POM121: variants seen among roughly 807,000 people sequenced by gnomAD.
POM121 encodes POM121 transmembrane nucleoporin.
Under a neutral mutation model 81.3 loss-of-function variants are expected in POM121, and 32 were observed. The ratio of observed to expected loss-of-function variants is 0.39; its 90% CI spans 0.30 to 0.53. POM121 has a LOEUF of 0.53. Among genes scored for constraint, POM121 ranks in the 20% least tolerant of loss-of-function variants. The pLI, the probability that POM121 is intolerant of heterozygous loss-of-function variation, is 0.66. For synonymous variants in POM121, 514 were observed against 694.2 expected, an observed-to-expected ratio of 0.74 and a Z score of 4.08; for missense variants, 1,138 against 1,614.6, an observed-to-expected ratio of 0.70 and a Z score of 5.06.
upstream of POM121, among the ~76,000 whole-genome samples, chr7:72,920,737 T>C (rs1243349391): frequency 6.6e-6 from 1 of 152,216 alleles, no homozygotes; most frequent in East Asian, 1.9e-4. Context: ...CTTTCAGGTC[T>C]TGTTTTTATG....
downstream of POM121, chr7:72,949,876 C>G (rs1444523496): frequency 6.3e-7 from 1 of 1,599,506 alleles, no homozygotes; most frequent in Non-Finnish European, 8.6e-7. Flanking sequence ...AGCCAAGTGA[C>G]TGGTCTTTAT....
rs1162553383 is a variant in POM121 at position 72,925,457 on chromosome 7, G to A, written c.336G>A (p.Lys112=). 4.6e-6 allele frequency: 7 copies of A among 1,533,734 alleles called. No homozygotes were observed. In the Admixed American group the frequency reaches 5.9e-5, roughly 13 times the overall value. ...CACTGTTCGCTTCGCCTCTGGCCAA[G>A]TCGACAGCCAACGGAAACCTCCTAG... The part of the protein sequence containing the change: ...RRTLFASPLA[K]STANGNLLEP... The change falls in exon 1 of 13, where the codon AAG becomes AAA. Residue 112 remains lysine (K), a synonymous_variant. Transcript: ENST00000434423.
At chr7:72,919,634 C>T (rs1554495620) in intron 4 of POM121, among the ~76,000 whole-genome samples, 1 of 152,050 alleles carries the variant, frequency 6.6e-6, no homozygotes, top group Non-Finnish European at 1.5e-5. Context: ...AGGCGTGTGC[C>T]ACTATGCTTG....
Position 72,925,396 on chromosome 7 carries a change from T to G in POM121, c.275T>G (p.Leu92Trp). 1 of 1,533,760 alleles carries G rather than the reference T, an allele frequency of 6.5e-7. No individual in the cohort carries two copies. Among genetic ancestry groups the G allele is most frequent in the Non-Finnish European group, 8.7e-7 (1 of 1,146,490 alleles). ...FVRKARHRRPLSSFVRKARHR... is the reference protein window; with the variant it reads ...FVRKARHRRPWSSFVRKARHR... Reference sequence around the variant, plus strand: ...CGGAAGGCGCGTCATCGGCGCCCCTTGTCCTCCTTCGTTCGGAAGGCGCGT... The same window carrying G: ...CGGAAGGCGCGTCATCGGCGCCCCTGGTCCTCCTTCGTTCGGAAGGCGCGT... Residue 92 changes from leucine (L) to tryptophan (W), a missense_variant, in exon 1 of 13, where the codon TTG becomes TGG. Coordinates refer to ENST00000434423, the MANE Select transcript of POM121 (RefSeq NM_001387691.1).
In POM121 at chr7:72,926,249, G is replaced by A; in HGVS notation, c.645-13G>A. ...TTGCTTTGGTTCCGTGATTTGTCTC[G>A]CATTCTCTGCAGGGATTGTGGGACT... On this transcript the variant is annotated splice_polypyrimidine_tract_variant and intron_variant, in intron 1 of 12. Coordinates refer to ENST00000434423, the MANE Select transcript of POM121 (RefSeq NM_001387691.1). 1.3e-6 allele frequency: 2 copies of A among 1,549,306 alleles called. No individual in the cohort carries two copies. Among genetic ancestry groups the A allele is most frequent in the South Asian group, 1.2e-5 (1 of 84,464 alleles).
chr7:72,890,141 A>G (rs1409306373), intron 1 of POM121, among the ~76,000 whole-genome samples: 1 of 152,010 alleles, frequency 6.6e-6, no homozygotes, highest in Non-Finnish European at 1.5e-5. Flanking sequence ...TATGAGAATA[A>G]AAGAGCCAAA....
At position 72,926,918 on chromosome 7, in the gene POM121, A is replaced by T; in HGVS notation, c.977A>T (p.Glu326Val). ...GAGAAGGAGAAGAAAAGGACAGTGG[A>T]GGAAGAAGACCAAATATTCCTTGAT... Reference protein sequence around the residue: ...LKEKEKKRTVEEEDQIFLDGQ... With the variant: ...LKEKEKKRTVVEEDQIFLDGQ... Residue 326 changes from glutamate to valine, a missense_variant, in exon 3 of 13, where the codon GAG becomes GTG. Transcript: ENST00000434423. 6.2e-7 allele frequency: 1 copy of T among 1,614,036 alleles called. No individual in the cohort carries two copies. Among genetic ancestry groups the T allele is most frequent in the Non-Finnish European group, 8.5e-7 (1 of 1,179,884 alleles).
intron 5 of POM121, among the ~76,000 whole-genome samples, chr7:72,933,797 ATG>A (rs1554498985): frequency 6.6e-6 from 1 of 152,262 alleles, no homozygotes; most frequent in Non-Finnish European, 1.5e-5. Flanking sequence ...CTTGGAAACA[ATG>A]TACATGTTAT....
chr7:72,910,104 A>G (rs1793658706), intron 3 of POM121, among the ~76,000 whole-genome samples: 2 of 152,244 alleles, frequency 1.3e-5, no homozygotes, highest in Non-Finnish European at 2.9e-5. Context: ...GGAAAAAAAA[A>G]GTGCAGCTTG....
rs1797818006 is a variant in POM121 at position 72,948,114 on chromosome 7, C to T, written c.*1880C>T. 9.4e-6 allele frequency: 13 copies of T among 1,386,440 alleles called. No individual in the cohort carries two copies. Among genetic ancestry groups the T allele is most frequent in the African/African-American group, 2.9e-5 (2 of 68,186 alleles). 85.9% of individuals were successfully genotyped at this position (1,386,440 alleles called of 1,614,324 possible). On this transcript the variant is annotated 3_prime_UTR_variant, in exon 13 of 13. Coordinates refer to ENST00000434423, the MANE Select transcript of POM121 (RefSeq NM_001387691.1). ...AGTTCCGCAGGCAGGACAGCCGGTCCGGGAACCCTGAGTGAGAATGAGTGT... is the reference window on the plus strand; with the variant it reads ...AGTTCCGCAGGCAGGACAGCCGGTCTGGGAACCCTGAGTGAGAATGAGTGT...
At chr7:72,915,463 C>A (rs1794207283) in intron 4 of POM121, among the ~76,000 whole-genome samples, 1 of 152,102 alleles carries the variant, frequency 6.6e-6, no homozygotes, top group Non-Finnish European at 1.5e-5. Flanking sequence ...CCTCGCACCT[C>A]CCAGGTTCAA....
At position 72,941,065 on chromosome 7, in the gene POM121, G is replaced by C. The variant is rs1457365129; in HGVS notation, c.1843+72G>C. ...CGGCTTGAGTTGGAATAAGGGCGTC[G>C]TGCCTGTCAGTCGCTGGAGATTGCT... is the stretch of plus-strand genomic sequence containing the variant. On this transcript the variant is annotated intron_variant, in intron 10 of 12. Transcript: ENST00000434423. 8.1e-6 allele frequency: 13 copies of C among 1,604,512 alleles called. 1 individual carries two copies. In the African/African-American group the frequency reaches 1.7e-4, roughly 22 times the overall value.
chr7:72,879,424 G>C, exon 1 of POM121: 1 of 208,400 alleles, frequency 4.8e-6, no homozygotes, highest in South Asian at 6.2e-5. Context: ...GGCCTCTAGT[G>C]GATGAGAATC....
At chr7:72,891,262 G>C (rs1554490869) in intron 3 of POM121, among the ~76,000 whole-genome samples, 3 of 152,072 alleles carry the variant, frequency 2.0e-5, no homozygotes, top group Non-Finnish European at 4.4e-5. Flanking sequence ...GAACTCTTTT[G>C]TTTATTTTAT....
Position 72,891,108 on chromosome 7 carries a change from C to T in POM121, c.-218C>T. ...GGTGAATTTCCATGTCAACATAGTC[C>T]AGGTAAGTTAGTAGAGTATCAAATG... On this transcript the variant is annotated splice_region_variant and 5_prime_UTR_variant, in exon 3 of 16. Transcript: ENST00000395270. 2 of 1,101,450 alleles carry T rather than the reference C, an allele frequency of 1.8e-6. No homozygotes were observed. Among genetic ancestry groups the T allele is most frequent in the Non-Finnish European group, 2.7e-6 (2 of 734,080 alleles). The allele number at this position is 1,101,450 out of a possible 1,614,324, so 68.2% of individuals were successfully genotyped here.
At chr7:72,879,811 A>G (rs1789946712) in exon 1 of POM121, 2 of 502,304 alleles carry the variant, frequency 4.0e-6, no homozygotes, top group Non-Finnish European at 7.9e-6. Flanking sequence ...TCGCGAGCAG[A>G]CGCGCGCGCC....
chr7:72,927,096 A>G (rs1795531036), intron 3 of POM121, 133 bp downstream of exon 3: 11 of 1,419,024 alleles, frequency 7.8e-6, no homozygotes, highest in South Asian at 6.4e-5. Context: ...TTTGGCTTAC[A>G]TGGAGGAATC....
intron 5 of POM121, among the ~76,000 whole-genome samples, chr7:72,930,957 C>G (rs1306727782): frequency 4.6e-5 from 7 of 152,092 alleles, no homozygotes; most frequent in Non-Finnish European, 1.0e-4. Flanking sequence ...ATTTAAAAAG[C>G]ACCTATTACA....
At chr7:72,903,400 G>C (rs1351089387) in intron 3 of POM121, among the ~76,000 whole-genome samples, 1 of 152,190 alleles carries the variant, frequency 6.6e-6, no homozygotes, top group Admixed American at 6.5e-5. Flanking sequence ...TCACACCACT[G>C]CACTCCAGTC....
Sources: allele counts gnomAD v4.1 joint callset (sites outside exome capture counted in the v4.1 genomes callset), GRCh38; gene constraint gnomAD v4.1.1; transcripts MANE v1.5; gene names NCBI Gene and HGNC (gene_info 2026-07-23, HGNC 2026-07-21).